TLN1: variants seen among roughly 807,000 people sequenced by gnomAD.
TLN1 encodes talin-1.
In TLN1, 56 loss-of-function variants were observed where a neutral mutation model predicts 292.3. That is an observed-to-expected ratio of 0.19 (90% CI 0.15 to 0.24). The LOEUF is 0.24. Among genes scored for constraint, TLN1 ranks in the 10% least tolerant of loss-of-function variants. The pLI, the probability that TLN1 is intolerant of heterozygous loss-of-function variation, is 1.00. For synonymous variants in TLN1, 1,119 were observed against 1,253.7 expected, an observed-to-expected ratio of 0.89 and a Z score of 2.27; for missense variants, 2,433 against 3,248.2, an observed-to-expected ratio of 0.75 and a Z score of 6.10.
intron 12 of TLN1, 52 bp downstream of exon 12, chr9:35,720,381 G>T: frequency 6.3e-7 from 1 of 1,599,140 alleles, no homozygotes; most frequent in South Asian, 1.1e-5. Flanking sequence ...TTAGAGTCAG[G>T]CCTTGCCTTC....
chr9:35,726,013 C>T (rs150938338), intron 1 of TLN1, among the ~76,000 whole-genome samples: 5 of 152,202 alleles, frequency 3.3e-5, no homozygotes, highest in East Asian at 3.9e-4. Flanking sequence ...CCTGGATTCA[C>T]GCCATTCTCC....
Position 35,714,959 on chromosome 9 carries a change from C to T in TLN1, c.2755-83G>A. ...CTGGCCTACCTTGCCCAGGTTATGC[C>T]TCAAGGACGTATTAACTTACTCTCC... is the stretch of plus-strand genomic sequence containing the variant. On this transcript the variant is annotated intron_variant, in intron 21 of 56. Transcript: ENST00000314888. The surrounding 1 kb of genome is among the most constrained non-coding windows in gnomAD (Gnocchi z 4.6). 1 of 1,609,942 alleles carries T rather than the reference C, an allele frequency of 6.2e-7. No homozygotes were observed.
Position 35,703,705 on chromosome 9 carries a change from T to C in TLN1, c.6358-29A>G, listed in dbSNP as rs200594580. 59 of 1,614,004 alleles carry C rather than the reference T, an allele frequency of 3.7e-5. No individual in the cohort carries two copies. In the African/African-American group the frequency reaches 7.2e-4, roughly 20 times the overall value. ...GAGGTATCAGAGGAGTGAAGAGGAA[T>C]GATTTTAAGGAACAGGAGGAAGTAT... On this transcript the variant is annotated intron_variant, in intron 47 of 56. Coordinates refer to ENST00000314888, the MANE Select transcript of TLN1 (RefSeq NM_006289.4).
In TLN1 at chr9:35,703,517, C is replaced by T. The variant is rs372704040; in HGVS notation, c.6474+43G>A. 1.4e-4 allele frequency: 218 copies of T among 1,558,446 alleles called. 2 individuals carry two copies. In the Middle Eastern group the frequency reaches 7.0e-3, roughly 50 times the overall value. ...ACAGGTTCACAGGCTTTCAGGATCC[C>T]TCTCTCTGACCCTAGTCACTGATGC... On this transcript the variant is annotated intron_variant, in intron 48 of 56. Coordinates refer to ENST00000314888, the MANE Select transcript of TLN1 (RefSeq NM_006289.4).
In TLN1 at chr9:35,699,467, C is replaced by G; in HGVS notation, c.6769-6G>C. The G allele has an allele frequency of 1.9e-6, 3 of 1,610,180 alleles. No individual in the cohort carries two copies. The African/African-American group carries it at 4.0e-5, about 21-fold the overall frequency. On this transcript the variant is annotated splice_polypyrimidine_tract_variant and splice_region_variant and intron_variant, in intron 50 of 56. Coordinates refer to ENST00000314888, the MANE Select transcript of TLN1 (RefSeq NM_006289.4). This position sits in a 1 kb window ranked among gnomAD's most constrained non-coding sequence, Gnocchi z 4.0. ...GGGCTTGGCTTCTGCAGGGTCTGGG[C>G]AAGAAGCGGGCAGGGGACAAAGAGC... is the stretch of plus-strand genomic sequence containing the variant.
At chr9:35,710,245 A>AAAGT (rs1460389578) in intron 33 of TLN1, among the ~76,000 whole-genome samples, 1 of 150,392 alleles carries the variant, frequency 6.6e-6, no homozygotes, top group African/African-American at 2.4e-5. Flanking sequence ...AAAAAAAAAG[A>AAAGT]AAGTAGTAAT....
chr9:35,715,025 T>A, intron 21 of TLN1, 34 bp downstream of exon 21: 1 of 1,612,412 alleles, frequency 6.2e-7, no homozygotes, highest in Non-Finnish European at 8.5e-7. Flanking sequence ...GCACCCACAC[T>A]CTCTCTTGCT....
chr9:35,709,886 CAAAAAA>C (rs546437173), intron 33 of TLN1, among the ~76,000 whole-genome samples: 12 of 12,862 alleles, frequency 9.3e-4, no homozygotes, highest in Non-Finnish European at 1.7e-3. Context: ...AACTCGGTCT[CAAAAAA>C]AAAAAAAAAA....
At position 35,711,735 on chromosome 9, in the gene TLN1, C is replaced by T. The variant is rs1435742688; in HGVS notation, c.3739G>A (p.Ala1247Thr). 1 of 1,614,064 alleles carries T rather than the reference C, an allele frequency of 6.2e-7. No homozygotes were observed. Among genetic ancestry groups the T allele is most frequent in the South Asian group, 1.1e-5 (1 of 91,082 alleles). Residue 1247 changes from alanine (A) to threonine (T), a missense_variant, in exon 29 of 57, where the codon GCT becomes ACT. By Grantham distance (58) the Ala-to-Thr change is moderately conservative. Coordinates refer to ENST00000314888, the MANE Select transcript of TLN1 (RefSeq NM_006289.4). ...EAQSRLNEAA[A>T]GLNQAATELV... ...TCTGTGGCTGCCTGATTCAGCCCAG[C>T]AGCAGCTTCATTCAACCGGCTCTGA...
chr9:35,716,491 C>T lies in TLN1; in HGVS notation c.2524G>A (p.Ala842Thr). 1 of 1,614,252 alleles carries T rather than the reference C, an allele frequency of 6.2e-7. No homozygotes were observed. Among genetic ancestry groups the T allele is most frequent in the Non-Finnish European group, 8.5e-7 (1 of 1,180,054 alleles). ...AGATCACTTTCCCCCTCAGCATCAG[C>T]CTTGATGGCATTGACCAGGTCAGAT... ...ATSDLVNAIK[A>T]DAEGESDLEN... Residue 842 changes from alanine to threonine, a missense_variant, in exon 20 of 57, where the codon GCT (alanine) becomes ACT (threonine). Transcript: ENST00000314888.
intron 7 of TLN1, 145 bp downstream of exon 7, chr9:35,723,807 C>T (rs1452213513): frequency 1.6e-5 from 20 of 1,246,906 alleles, no homozygotes; most frequent in Non-Finnish European, 1.9e-5. Flanking sequence ...ATGATGGCAA[C>T]TAAAAGGGTA....
intron 1 of TLN1, 23 bp from the exon 2 acceptor site, chr9:35,725,750 T>C: frequency 6.3e-7 from 1 of 1,597,096 alleles, no homozygotes; most frequent in Non-Finnish European, 8.6e-7. Context: ...ATCAGGGCAT[T>C]AGAATACACT....
Position 35,721,641 on chromosome 9 carries a change from G to A in TLN1, c.1104+7C>T, listed in dbSNP as rs1587988754. 2 of 1,611,190 alleles carry A rather than the reference G, an allele frequency of 1.2e-6. No homozygotes were observed. The highest frequency in any genetic ancestry group is 2.2e-5 in the East Asian group (1 of 44,772). On this transcript the variant is annotated splice_region_variant and intron_variant, in intron 10 of 56. Transcript: ENST00000314888. Reference sequence around the variant, plus strand: ...AAGCACTTTCTTGTTATAGTCCCCAGACTTACCAGGGTGAAGCTTTTGGGA... The same window carrying A: ...AAGCACTTTCTTGTTATAGTCCCCAAACTTACCAGGGTGAAGCTTTTGGGA...
chr9:35,713,468 G>A (rs915435264), intron 25 of TLN1, among the ~76,000 whole-genome samples, 170 bp from the exon 26 acceptor site: 1 of 152,140 alleles, frequency 6.6e-6, no homozygotes, highest in Non-Finnish European at 1.5e-5. Context: ...TGGATCACCT[G>A]AGGTCAGGAG....
chr9:35,722,749 G>A, intron 8 of TLN1, 112 bp downstream of exon 8: 3 of 1,082,412 alleles, frequency 2.8e-6, no homozygotes, highest in Admixed American at 3.5e-5. Flanking sequence ...CAGCCCGGTG[G>A]GTGAAAGCCA....
At position 35,704,654 on chromosome 9, in the gene TLN1, G is replaced by A; in HGVS notation, c.5880+15C>T. ...TGGAGGCAGTCCCACCATCTGCAGG[G>A]ATGAGCACCGTCACCTTCTCAGAGA... On this transcript the variant is annotated intron_variant, in intron 44 of 56. Transcript: ENST00000314888. The surrounding 1 kb of genome is among the most constrained non-coding windows in gnomAD (Gnocchi z 6.9). 1 of 1,613,566 alleles carries A rather than the reference G, an allele frequency of 6.2e-7. No homozygotes were observed. The highest frequency in any genetic ancestry group is 2.2e-5 in the East Asian group (1 of 44,860).
rs747802105 is a variant in TLN1, at chr9:35,719,178, G to T, written c.1792C>A (p.Leu598Met). 6.2e-7 allele frequency: 1 copy of T among 1,614,188 alleles called. No individual in the cohort carries two copies. Among genetic ancestry groups the T allele is most frequent in the Non-Finnish European group, 8.5e-7 (1 of 1,180,034 alleles). ...CGACCACTGCCGCCTTCGTCCTCCA[G>T]CAAGGCAGCCAGCAGCTTCACCCCA... The part of the protein sequence containing the change: ...SRGVKLLAAL[L>M]EDEGGSGRPL... Residue 598 changes from leucine (L) to methionine (M), a missense_variant, in exon 16 of 57, where the codon CTG (leucine) becomes ATG (methionine). Leu to Met is a conservative substitution (Grantham distance 15). Transcript: ENST00000314888. The surrounding 1 kb of genome is among the most constrained non-coding windows in gnomAD (Gnocchi z 4.6).
In TLN1 at chr9:35,712,899, A is replaced by G. The variant is rs373157684; in HGVS notation, c.3497T>C (p.Ile1166Thr). The G allele has an allele frequency of 3.8e-5, 61 of 1,603,856 alleles. No homozygotes were observed. Among genetic ancestry groups the G allele is most frequent in the East Asian group, 2.0e-4 (9 of 44,552 alleles). ...GCCAGCTGCCTTTTTCGCCTCCTCA[A>G]TGAGGCTGCTGGCCTTGTCCAGCAC... ...SDVLDKASSL[I>T]EEAKKAAGHP... Residue 1166 changes from isoleucine to threonine, a missense_variant, in exon 27 of 57, where the codon ATT becomes ACT. Ile to Thr is a moderately conservative substitution (Grantham distance 89). Transcript: ENST00000314888.
Position 35,714,887 on chromosome 9 carries a change from A to G in TLN1, c.2755-11T>C. The G allele has an allele frequency of 6.3e-7, 1 of 1,581,426 alleles. No homozygotes were observed. Among genetic ancestry groups the G allele is most frequent in the Non-Finnish European group, 8.6e-7 (1 of 1,164,002 alleles). On this transcript the variant is annotated splice_polypyrimidine_tract_variant and intron_variant, in intron 21 of 56. Transcript: ENST00000314888. The surrounding 1 kb of genome is among the most constrained non-coding windows in gnomAD (Gnocchi z 4.6). ...CTGCTTGGCTGCATGCTGTGAAGAC[A>G]AGAGTAGTCAGACCAAGCCCATGGA...
Sources: gnomAD v4.1 joint callset for allele counts (sites outside exome capture counted in the v4.1 genomes callset) on GRCh38, gnomAD v4.1.1 for gene constraint, Gnocchi (gnomAD v3.1) non-coding constraint, MANE v1.5 for transcripts, NCBI Gene and HGNC (gene_info 2026-07-23, HGNC 2026-07-21) for gene names.